The following HAVCR2 variants were observed in gnomAD, a reference collection of about 807,000 sequenced individuals.
HAVCR2 encodes the protein hepatitis A virus cellular receptor 2, also known as T cell immunoglobulin mucin 3.
In HAVCR2, 13 loss-of-function variants were observed where a neutral mutation model predicts 24.7. The observed-to-expected ratio is 0.53, with a 90% confidence interval of 0.34 to 0.84. The LOEUF (loss-of-function observed/expected upper bound fraction) is 0.84. Ranked by LOEUF, HAVCR2 falls within the 40% of genes least tolerant of loss-of-function variation. The probability of loss-of-function intolerance (pLI) is 0.01; values close to 1 mark genes in which losing one functional copy is unlikely to be tolerated. For synonymous variants in HAVCR2, 154 were observed against 143.4 expected (o/e 1.07, Z -0.53); for missense variants, 343 against 371.2 (o/e 0.92, Z 0.62).
intron 3 of HAVCR2, among the ~76,000 whole-genome samples, chr5:157,100,102 C>G (rs1757148389): frequency 6.6e-6 from 1 of 152,168 alleles, no homozygotes; most frequent in Non-Finnish European, 1.5e-5. Flanking sequence ...AGGAGCCAGG[C>G]CTTGTGCTAA....
In HAVCR2 at chr5:157,087,804, T is replaced by A. The variant is rs138163762; in HGVS notation, c.714-510A>T. ...CTGTAATCCCAGCTACTTGGGAGGCTAATGCAGAGAATCGCTTGAACCCGA... is the reference window on the plus strand; with the variant it reads ...CTGTAATCCCAGCTACTTGGGAGGCAAATGCAGAGAATCGCTTGAACCCGA... On this transcript the variant is annotated intron_variant, in intron 6 of 6. Transcript: ENST00000307851. Among the ~76,000 whole-genome samples the A allele has an allele frequency of 2.7e-5, 4 of 150,554 alleles. No individual in the cohort carries two copies. The East Asian group carries it at 7.9e-4, about 30-fold the overall frequency.
chr5:157,089,835 T>C (rs1756969844), intron 5 of HAVCR2, among the ~76,000 whole-genome samples: 1 of 152,118 alleles, frequency 6.6e-6, no homozygotes, highest in Non-Finnish European at 1.5e-5. Flanking sequence ...AAAGGTAGGC[T>C]GGGGCTAGGT....
chr5:157,087,733 G>A (rs940637147), intron 6 of HAVCR2, among the ~76,000 whole-genome samples: 37 of 151,732 alleles, frequency 2.4e-4, no homozygotes, highest in African/African-American at 8.5e-4. Context: ...GTGAAACCCC[G>A]TCTCTACTAA....
intron 3 of HAVCR2, among the ~76,000 whole-genome samples, chr5:157,099,896 A>T (rs1034721302): frequency 6.6e-6 from 1 of 152,132 alleles, no homozygotes; most frequent in Non-Finnish European, 1.5e-5. Context: ...GGGTTTCGCC[A>T]TGTTGGCCAG....
intron 1 of HAVCR2, 35 bp from the exon 2 acceptor site, chr5:157,106,997 C>T (rs766766974): frequency 1.3e-5 from 20 of 1,548,190 alleles, no homozygotes; most frequent in East Asian, 4.5e-5. Flanking sequence ...AAGACTCAAG[C>T]GGTGAGTGAG....
intron 4 of HAVCR2, among the ~76,000 whole-genome samples, chr5:157,095,723 A>AAT (rs1356055010): frequency 6.6e-6 from 1 of 151,420 alleles, no homozygotes; most frequent in East Asian, 1.9e-4. Context: ...AAAAAAAAAA[A>AAT]AAAGAGAGAA....
At chr5:157,101,817 A>G (rs1757171507) in intron 3 of HAVCR2, among the ~76,000 whole-genome samples, 2 of 144,096 alleles carry the variant, frequency 1.4e-5, no homozygotes, top group South Asian at 4.3e-4. Flanking sequence ...TCTGTTGCCC[A>G]GGTTTGGAGT....
chr5:157,107,323 C>A, intron 1 of HAVCR2: 1 of 194,454 alleles, frequency 5.1e-6, no homozygotes. Flanking sequence ...TCTGTGAACA[C>A]GGGAGAACAG....
At chr5:157,106,347 G>C (rs1757251681) in intron 2 of HAVCR2, 1 of 379,866 alleles carries the variant, frequency 2.6e-6, no homozygotes, top group Non-Finnish European at 4.8e-6. Context: ...GGCCAGGCTG[G>C]TCTCGAATTC....
At chr5:157,100,656 A>G (rs955798087) in intron 3 of HAVCR2, among the ~76,000 whole-genome samples, 3 of 152,230 alleles carry the variant, frequency 2.0e-5, no homozygotes, top group Non-Finnish European at 4.4e-5. Flanking sequence ...TGGAAGCCTT[A>G]ATGTGTATAA....
Position 157,098,907 on chromosome 5 carries a change from AAAAG to A in HAVCR2, c.479-10_479-7del. ...CCCCAGTGTCTGTGTCTCTGCTATAAAAAGAGAGAGAGAGAGAGAGAGAGGAAAA... is the reference window on the plus strand; with the variant it reads ...CCCCAGTGTCTGTGTCTCTGCTATAAAGAGAGAGAGAGAGAGAGAGGAAAA... On this transcript the variant is annotated splice_region_variant and splice_polypyrimidine_tract_variant and intron_variant, in intron 3 of 6. Transcript: ENST00000307851. The A allele has an allele frequency of 6.2e-7, 1 of 1,610,688 alleles. No individual in the cohort carries two copies. The highest frequency in any genetic ancestry group is 1.1e-5 in the South Asian group (1 of 90,872).
At chr5:157,089,354 T>G (rs1377148529) in intron 5 of HAVCR2, among the ~76,000 whole-genome samples, 1 of 151,900 alleles carries the variant, frequency 6.6e-6, no homozygotes, top group Non-Finnish European at 1.5e-5. Flanking sequence ...CTGACCAACA[T>G]GGAGAAACCC....
Position 157,104,837 on chromosome 5 carries a change from CG to C in HAVCR2, c.395-89del, listed in dbSNP as rs1757222895. The C allele has an allele frequency of 4.4e-6, 4 of 915,710 alleles. No homozygotes were observed. In the East Asian group the frequency reaches 1.1e-4, roughly 25 times the overall value. 56.7% of individuals were successfully genotyped at this position (915,710 alleles called of 1,614,324 possible). On this transcript the variant is annotated intron_variant, in intron 2 of 6. Transcript: ENST00000307851. ...TCAAAGGGGCAGCAAGAAAAAAATG[CG>C]AAAGACAATTAAGAAAGAGAAATAC... is the stretch of plus-strand genomic sequence containing the variant.
chr5:157,092,433 T>TTTTTA lies in HAVCR2; in HGVS notation c.676+2868_676+2872dup, dbSNP rs778661908. Among the ~76,000 whole-genome samples, 44 of 151,878 alleles carry TTTTTA rather than the reference T, an allele frequency of 2.9e-4. No individual in the cohort carries two copies. The East Asian group carries it at 6.8e-3, about 24-fold the overall frequency. On this transcript the variant is annotated intron_variant, in intron 5 of 6. Coordinates refer to ENST00000307851, the MANE Select transcript of HAVCR2 (RefSeq NM_032782.5). ...GCAACATAGCAAGATCTCATTTCTA[T>TTTTTA]TTTTATTTTATTTTATTTTATTTAT...
intron 2 of HAVCR2, 53 bp from the exon 3 acceptor site, chr5:157,104,802 T>C: frequency 7.7e-7 from 1 of 1,302,690 alleles, no homozygotes; most frequent in Admixed American, 2.1e-5. Context: ...AGAAAGCTTA[T>C]TTCAGGGAAT....
chr5:157,089,567 T>C (rs1380279039), intron 5 of HAVCR2, among the ~76,000 whole-genome samples: 1 of 147,558 alleles, frequency 6.8e-6, no homozygotes, highest in Non-Finnish European at 1.5e-5. Flanking sequence ...AAAAAGGAAA[T>C]AGTAAATAGG....
intron 1 of HAVCR2, among the ~76,000 whole-genome samples, chr5:157,107,510 G>A (rs1757270160): frequency 6.6e-6 from 1 of 152,172 alleles, no homozygotes. Context: ...TTGTGTATTT[G>A]AAACTACTCA....
At chr5:157,099,376 C>T (rs1245978190) in intron 3 of HAVCR2, among the ~76,000 whole-genome samples, 1 of 150,804 alleles carries the variant, frequency 6.6e-6, no homozygotes, top group Non-Finnish European at 1.5e-5. Flanking sequence ...CATCCCTCAT[C>T]CTCCCAAGTA....
At chr5:157,094,459 C>T (rs1443741779) in intron 5 of HAVCR2, among the ~76,000 whole-genome samples, 1 of 151,954 alleles carries the variant, frequency 6.6e-6, no homozygotes, top group Non-Finnish European at 1.5e-5. Context: ...TCTGAGCTCA[C>T]TGTAACCTCC....
Sources: gnomAD v4.1 joint callset for allele counts (sites outside exome capture counted in the v4.1 genomes callset) on GRCh38, gnomAD v4.1.1 for gene constraint, MANE v1.5 for transcripts, NCBI Gene and HGNC (gene_info 2026-07-23, HGNC 2026-07-21) for gene names.